Variants in SH3TC2 observed in about 807,000 individuals in gnomAD.
The protein encoded by SH3TC2 is SH3 domain and tetratricopeptide repeat-containing protein 2.
A neutral mutation model predicts 124.5 loss-of-function variants in SH3TC2; 87 were observed. The ratio of observed to expected loss-of-function variants is 0.70; its 90% CI spans 0.59 to 0.84. SH3TC2 has a LOEUF of 0.84. Ranked by LOEUF, SH3TC2 falls within the 40% of genes least tolerant of loss-of-function variation. The pLI is 0.00. For synonymous variants in SH3TC2, 634 were observed against 628.5 expected (o/e 1.01, Z -0.13); for missense variants, 1,536 against 1,566.4 (o/e 0.98, Z 0.33).
At chr5:149,054,857 T>C (rs1754615262) in intron 1 of SH3TC2, among the ~76,000 whole-genome samples, 1 of 152,144 alleles carries the variant, frequency 6.6e-6, no homozygotes, top group African/African-American at 2.4e-5. Context: ...GAAAATACAA[T>C]AGCCTGACAA....
At position 149,027,827 on chromosome 5, in the gene SH3TC2, G is replaced by A. The variant is rs2127397406; in HGVS notation, c.1905C>T (p.Ala635=). The change falls in exon 11 of 17, where the codon GCC becomes GCT. Residue 635 remains alanine, a synonymous_variant. Coordinates refer to ENST00000515425, the MANE Select transcript of SH3TC2 (RefSeq NM_024577.4). The part of the protein sequence containing the change: ...VVGSSPLEAR[A]CFLAIRLLLS... ...GGAGCAAGCGGATGGCCAGAAAGCA[G>A]GCCCTGGCCTCCAGCGGGCTGCTGC... 3.5e-5 allele frequency: 57 copies of A among 1,613,878 alleles called. No individual in the cohort carries two copies. The highest frequency in any genetic ancestry group is 4.8e-5 in the Non-Finnish European group (57 of 1,180,036).
intron 14 of SH3TC2, among the ~76,000 whole-genome samples, chr5:149,009,644 A>G (rs1753751549): frequency 6.6e-6 from 1 of 152,216 alleles, no homozygotes; most frequent in African/African-American, 2.4e-5. Flanking sequence ...ATCAAATTAG[A>G]TAATGAGGCT....
At chr5:149,057,038 T>A (rs1339924758) in intron 1 of SH3TC2, among the ~76,000 whole-genome samples, 2 of 152,182 alleles carry the variant, frequency 1.3e-5, no homozygotes, top group East Asian at 1.9e-4. Context: ...TCTTTTTTTA[T>A]AGGCACATTT....
intron 6 of SH3TC2, 137 bp downstream of exon 6, chr5:149,041,279 A>G: frequency 1.2e-6 from 1 of 857,254 alleles, no homozygotes; most frequent in South Asian, 1.6e-5. Flanking sequence ...AGAAAAAGAC[A>G]GAAAGATAAA....
Position 149,031,578 on chromosome 5 carries a change from C to T in SH3TC2, c.1111G>A (p.Asp371Asn). 6.2e-7 allele frequency: 1 copy of T among 1,614,132 alleles called. No individual in the cohort carries two copies. Among genetic ancestry groups the T allele is most frequent in the Non-Finnish European group, 8.5e-7 (1 of 1,180,032 alleles). ...SSFLHTLART[D>N]ITSVYRLSGF... ...CTGAGCCGGTAGACAGATGTGATGT[C>T]AGTGCGAGCAAGAGTGTGGAGGAAG... The change falls in exon 9 of 17, where the codon GAC becomes AAC. Residue 371 changes from aspartate to asparagine, a missense_variant. Asp to Asn is a conservative substitution (Grantham distance 23). Around this residue, in one of 3 missense-constraint regions of SH3TC2, gnomAD observed 1,102 missense variants for 1,098.6 expected, o/e 1.00. Coordinates refer to ENST00000515425, the MANE Select transcript of SH3TC2 (RefSeq NM_024577.4).
chr5:149,057,668 T>C (rs1006911907), intron 1 of SH3TC2: 2 of 152,218 alleles, frequency 1.3e-5, no homozygotes, highest in Admixed American at 1.3e-4. Context: ...CTCTCTATTT[T>C]TCAAATATTC....
In SH3TC2 at chr5:149,027,446, G is replaced by A. The variant is rs766340169; in HGVS notation, c.2286C>T (p.Ile762=). The A allele has an allele frequency of 1.9e-5, 30 of 1,614,064 alleles. No homozygotes were observed. In the Admixed American group the frequency reaches 3.2e-4, roughly 17 times the overall value. Residue 762 remains isoleucine, a synonymous_variant, in exon 11 of 17, where the codon ATC becomes ATT. Coordinates refer to ENST00000515425, the MANE Select transcript of SH3TC2 (RefSeq NM_024577.4). The part of the protein sequence containing the change: ...DRSTQRALCL[I]LSKVYLEHRS... Reference sequence around the variant, plus strand: ...TGTGCTCGAGGTACACTTTGGAAAGGATGAGACACAGGGCCCTCTGGGTGC... The same window carrying A: ...TGTGCTCGAGGTACACTTTGGAAAGAATGAGACACAGGGCCCTCTGGGTGC...
intron 12 of SH3TC2, among the ~76,000 whole-genome samples, chr5:149,017,907 G>A (rs1753902156): frequency 6.6e-6 from 1 of 152,166 alleles, no homozygotes; most frequent in Non-Finnish European, 1.5e-5. Flanking sequence ...TGTAAATAAA[G>A]TGTTATTGCA....
intron 7 of SH3TC2, among the ~76,000 whole-genome samples, chr5:149,040,360 G>C (rs1472318736): frequency 2.6e-5 from 4 of 151,924 alleles, no homozygotes; most frequent in Non-Finnish European, 5.9e-5. Flanking sequence ...TTCCATCCAG[G>C]CCCCCTAGCA....
At chr5:149,044,506 C>T (rs1311883082) in intron 4 of SH3TC2, 27 bp downstream of exon 4, 2 of 1,584,866 alleles carry the variant, frequency 1.3e-6, no homozygotes, top group East Asian at 2.2e-5. Flanking sequence ...AGGAGGTCAT[C>T]CTCCACCTGC....
chr5:149,014,455 C>G (rs1380560700), intron 12 of SH3TC2, among the ~76,000 whole-genome samples: 1 of 152,140 alleles, frequency 6.6e-6, no homozygotes, highest in Non-Finnish European at 1.5e-5. Context: ...GCCACCAGGC[C>G]CCTTTGTGCA....
chr5:149,061,896 G>A (rs1189272338), intron 1 of SH3TC2, among the ~76,000 whole-genome samples: 1 of 152,078 alleles, frequency 6.6e-6, no homozygotes, highest in Non-Finnish European at 1.5e-5. Context: ...TTTGTGCCAA[G>A]GGCATCATTT....
rs535474734 is a variant in SH3TC2, at chr5:148,994,447, G to A, written c.*10264C>T. On this transcript the variant is annotated 3_prime_UTR_variant, in exon 17 of 17. Coordinates refer to ENST00000515425, the MANE Select transcript of SH3TC2 (RefSeq NM_024577.4). The stretch of plus-strand genomic sequence containing the variant: ...AAGAATAATAGGTAAGTTTATCAGA[G>A]GACTCTGACTTGCCCTGGAGCCCAT... Among the ~76,000 whole-genome samples the A allele has an allele frequency of 1.3e-5, 2 of 152,290 alleles. No individual in the cohort carries two copies. Among genetic ancestry groups the A allele is most frequent in the Admixed American group, 6.5e-5 (1 of 15,292 alleles).
Position 148,997,005 on chromosome 5 carries a change from A to G in SH3TC2, c.*7706T>C, listed in dbSNP as rs1753520031. On this transcript the variant is annotated 3_prime_UTR_variant, in exon 17 of 17. Transcript: ENST00000515425. Reference sequence around the variant, plus strand: ...CTAAGTGAGTAAAAAAAGTGCTACTACCAACATTTATGCATAAGAAACAAA... The same window carrying G: ...CTAAGTGAGTAAAAAAAGTGCTACTGCCAACATTTATGCATAAGAAACAAA... Among the ~76,000 whole-genome samples the G allele has an allele frequency of 6.6e-6, 1 of 152,244 alleles. No homozygotes were observed. Among genetic ancestry groups the G allele is most frequent in the Non-Finnish European group, 1.5e-5 (1 of 68,042 alleles).
chr5:149,050,447 G>C (rs1206583152), intron 2 of SH3TC2, among the ~76,000 whole-genome samples: 1 of 152,198 alleles, frequency 6.6e-6, no homozygotes, highest in Non-Finnish European at 1.5e-5. Context: ...GGTGGAAAAT[G>C]CTGAAAGATG....
At chr5:149,011,874 T>G (rs1207756117) in intron 13 of SH3TC2, among the ~76,000 whole-genome samples, 1 of 152,212 alleles carries the variant, frequency 6.6e-6, no homozygotes, top group Non-Finnish European at 1.5e-5. Context: ...AATAAAACAC[T>G]AAAATATAAT....
chr5:149,061,356 T>G (rs552948816), intron 1 of SH3TC2, among the ~76,000 whole-genome samples: 4 of 152,300 alleles, frequency 2.6e-5, no homozygotes, highest in African/African-American at 7.2e-5. Flanking sequence ...CAGAGCTCTC[T>G]GAGGCACCTC....
rs1197875944 is a variant in SH3TC2, at chr5:148,996,284, A to G, written c.*8427T>C. 6.6e-6 allele frequency among the ~76,000 whole-genome samples: 1 copy of G among 152,044 alleles called. No individual in the cohort carries two copies. Among genetic ancestry groups the G allele is most frequent in the Non-Finnish European group, 1.5e-5 (1 of 68,016 alleles). Reference sequence around the variant, plus strand: ...AAATAAGAGAGAAAGAGAGAGAGAGAGAGAAACAGACAGATGGACTTTATA... The same window carrying G: ...AAATAAGAGAGAAAGAGAGAGAGAGGGAGAAACAGACAGATGGACTTTATA... On this transcript the variant is annotated 3_prime_UTR_variant, in exon 17 of 17. Transcript: ENST00000515425.
chr5:148,998,251 A>G lies in SH3TC2; in HGVS notation c.*6460T>C, dbSNP rs901080857. 6.6e-6 allele frequency among the ~76,000 whole-genome samples: 1 copy of G among 152,218 alleles called. No individual in the cohort carries two copies. The highest frequency in any genetic ancestry group is 2.4e-5 in the African/African-American group (1 of 41,448). ...CTTACTGTGGGCCACAACAACAACA[A>G]CATAACAACAAAAAAGGATTTGACA... On this transcript the variant is annotated 3_prime_UTR_variant, in exon 17 of 17. Transcript: ENST00000515425.
Sources: allele counts gnomAD v4.1 joint callset (sites outside exome capture counted in the v4.1 genomes callset), GRCh38; gene constraint gnomAD v4.1.1; regional missense constraint gnomAD v4.1.1; transcripts MANE v1.5; gene names NCBI Gene and HGNC (gene_info 2026-07-23, HGNC 2026-07-21).